SPPL2B: variants seen among roughly 807,000 people sequenced by gnomAD.
SPPL2B encodes signal peptide peptidase-like 2B.
A neutral mutation model predicts 59.7 loss-of-function variants in SPPL2B; 39 were observed. The ratio of observed to expected loss-of-function variants is 0.65; its 90% confidence interval spans 0.51 to 0.85. The LOEUF is 0.85. SPPL2B is among the 40% of genes least tolerant of loss of function. The probability of loss-of-function intolerance (pLI) is 0.00; values close to 1 mark genes in which losing one functional copy is unlikely to be tolerated. For missense variants in SPPL2B, 865 were observed against 849.0 expected (o/e 1.02, Z -0.23); for synonymous variants, 419 against 370.8 (o/e 1.13, Z -1.49).
rs188782383 is a variant in SPPL2B at position 2,351,951 on chromosome 19, C to T, written c.1515+357C>T. On this transcript the variant is annotated intron_variant, in intron 14 of 14. Coordinates refer to ENST00000613503, the MANE Select transcript of SPPL2B (RefSeq NM_152988.3). Reference sequence around the variant, plus strand: ...CTCCCAAATAGTAGTGCCCCACCTGCGTGGGCATCGGGCATCCATCGCCTC... The same window carrying T: ...CTCCCAAATAGTAGTGCCCCACCTGTGTGGGCATCGGGCATCCATCGCCTC... Among the ~76,000 whole-genome samples, 612 of 152,198 alleles carry T rather than the reference C, an allele frequency of 4.0e-3. 4 individuals carry two copies. The highest frequency in any genetic ancestry group is 0.014 in the African/African-American group (567 of 41,526).
chr19:2,350,016 G>GAC (rs1969809560), intron 13 of SPPL2B, among the ~76,000 whole-genome samples: 1 of 29,008 alleles, frequency 3.4e-5, no homozygotes. Context: ...TCTCTCCCTC[G>GAC]ACACACACTC....
intron 1 of SPPL2B, among the ~76,000 whole-genome samples, chr19:2,333,538 G>A (rs759089766): frequency 1.3e-5 from 2 of 152,202 alleles, no homozygotes; most frequent in African/African-American, 2.4e-5. Flanking sequence ...GGTGGGGGTC[G>A]TCCCTTCTGG....
intron 13 of SPPL2B, among the ~76,000 whole-genome samples, chr19:2,346,349 C>T (rs1345820464): frequency 6.6e-6 from 1 of 152,270 alleles, no homozygotes; most frequent in Admixed American, 6.5e-5. Flanking sequence ...CCCGATTTTA[C>T]TGTCTTCATG....
intron 13 of SPPL2B, among the ~76,000 whole-genome samples, chr19:2,348,132 C>G (rs1969581516): frequency 9.4e-6 from 1 of 106,734 alleles, no homozygotes; most frequent in Admixed American, 9.2e-5. Context: ...CACACACACT[C>G]ACGCTCTCAT....
intron 8 of SPPL2B, chr19:2,341,990 C>T (rs908888167): frequency 5.5e-6 from 1 of 183,352 alleles, no homozygotes; most frequent in Non-Finnish European, 1.2e-5. Flanking sequence ...GCTTGAAGTA[C>T]GTGGCGCCTG....
At chr19:2,348,204 T>TCC (rs1379973969) in intron 13 of SPPL2B, among the ~76,000 whole-genome samples, 1 of 117,050 alleles carries the variant, frequency 8.5e-6, no homozygotes, top group South Asian at 3.1e-4. Flanking sequence ...TTCCGTTCTC[T>TCC]CTCCACACAC....
intron 3 of SPPL2B, chr19:2,338,232 C>G (rs911648857): frequency 6.4e-6 from 1 of 155,136 alleles, no homozygotes; most frequent in African/African-American, 2.4e-5. Context: ...AATTCCCTCA[C>G]AGCTCTGCCT....
chr19:2,351,005 C>T (rs1425644369), intron 13 of SPPL2B, among the ~76,000 whole-genome samples: 5 of 152,228 alleles, frequency 3.3e-5, no homozygotes, highest in Admixed American at 1.3e-4. Context: ...AGTTTATATG[C>T]CCACAGCTCA....
intron 1 of SPPL2B, among the ~76,000 whole-genome samples, chr19:2,331,805 C>T (rs1224611971): frequency 6.6e-6 from 1 of 152,224 alleles, no homozygotes; most frequent in East Asian, 1.9e-4. Flanking sequence ...CCCACGTGGC[C>T]TCTGGTTTGG....
intron 2 of SPPL2B, among the ~76,000 whole-genome samples, chr19:2,335,172 C>T (rs1411582971): frequency 6.6e-6 from 1 of 152,010 alleles, no homozygotes; most frequent in Non-Finnish European, 1.5e-5. Context: ...AGTCCTCATG[C>T]CCCGCCTCCT....
intron 8 of SPPL2B, chr19:2,341,484 C>T (rs1969051740): frequency 2.2e-6 from 1 of 445,384 alleles, no homozygotes; most frequent in African/African-American, 2.0e-5. Flanking sequence ...ACGCTCACCT[C>T]CCACGTGGCC....
chr19:2,334,212 G>T (rs1017649495), intron 1 of SPPL2B, among the ~76,000 whole-genome samples: 9 of 152,236 alleles, frequency 5.9e-5, no homozygotes, highest in African/African-American at 1.9e-4. Context: ...CTGGGGCCCT[G>T]CCCTGCTTCC....
At chr19:2,349,604 TTCTC>T (rs199822587) in intron 13 of SPPL2B, among the ~76,000 whole-genome samples, 3 of 12,634 alleles carry the variant, frequency 2.4e-4, no homozygotes, top group Non-Finnish European at 1.3e-4. Context: ...CTTGATTCCG[TTCTC>T]TCTCTCCACA....
chr19:2,345,452 A>G (rs1310889201), intron 13 of SPPL2B, 122 bp downstream of exon 13: 1 of 814,934 alleles, frequency 1.2e-6, no homozygotes, highest in Non-Finnish European at 2.0e-6. Flanking sequence ...CAACTCTAAC[A>G]CCGTAACCAT....
At position 2,354,263 on chromosome 19, in the gene SPPL2B, A is replaced by T. The variant is rs1227185527; in HGVS notation, c.*1054A>T. 6.6e-6 allele frequency: 1 copy of T among 152,270 alleles called. No individual in the cohort carries two copies. Among genetic ancestry groups the T allele is most frequent in the Non-Finnish European group, 1.5e-5 (1 of 68,088 alleles). The allele number at this position is 152,270 out of a possible 1,614,324, so 9.4% of individuals were successfully genotyped here. On this transcript the variant is annotated 3_prime_UTR_variant, in exon 15 of 15. Coordinates refer to ENST00000613503, the MANE Select transcript of SPPL2B (RefSeq NM_152988.3). ...TGCCACTGGCATGGTCTACTCACTG[A>T]TGGGGTCCTCCTGACTCCAGGGCAG...
At chr19:2,350,371 CTCTCCA>C (rs1385019568) in intron 13 of SPPL2B, among the ~76,000 whole-genome samples, 1 of 151,224 alleles carries the variant, frequency 6.6e-6, no homozygotes, top group Non-Finnish European at 1.5e-5. Flanking sequence ...TCCGTTCTCT[CTCTCCA>C]CACACACTCG....
chr19:2,340,461 G>A (rs781651088), intron 7 of SPPL2B: 18 of 620,582 alleles, frequency 2.9e-5, no homozygotes, highest in African/African-American at 9.3e-5. Flanking sequence ...AGGGTTCTCC[G>A]GGGAACCCAG....
At chr19:2,341,426 C>T (rs906340736) in intron 8 of SPPL2B, 1 of 458,104 alleles carries the variant, frequency 2.2e-6, no homozygotes, top group Non-Finnish European at 4.4e-6. Flanking sequence ...GTCATGACTG[C>T]TGCGGCTTCT....
intron 1 of SPPL2B, among the ~76,000 whole-genome samples, chr19:2,329,948 A>T (rs565959617): frequency 3.4e-5 from 5 of 147,144 alleles, no homozygotes; most frequent in African/African-American, 1.3e-4. Context: ...TCCTACCCCC[A>T]GCTGCTCTGT....
Sources: allele counts gnomAD v4.1 joint callset (sites outside exome capture counted in the v4.1 genomes callset), GRCh38; gene constraint gnomAD v4.1.1; transcripts MANE v1.5; gene names NCBI Gene and HGNC (gene_info 2026-07-23, HGNC 2026-07-21).